Variants in BRIP1 observed in about 807,000 individuals in gnomAD.
The protein encoded by BRIP1 is Fanconi anemia group J protein.
A neutral mutation model predicts 119.7 loss-of-function variants in BRIP1; 88 were observed. That is an observed-to-expected ratio of 0.74 (90% CI 0.62 to 0.88). The LOEUF is 0.88. Among genes scored for constraint, BRIP1 ranks in the 40% least tolerant of loss-of-function variants. BRIP1 has a pLI of 0.00. For synonymous variants in BRIP1, 443 were observed against 496.5 expected (o/e 0.89, Z 1.43); for missense variants, 1,259 against 1,455.4 (o/e 0.87, Z 2.20).
Position 61,780,852 on chromosome 17 carries a change from TAAGC to T in BRIP1, c.1778_1781del (p.Cys593Ter). The T allele has an allele frequency of 6.2e-7, 1 of 1,614,204 alleles. No homozygotes were observed. Among genetic ancestry groups the T allele is most frequent in the Non-Finnish European group, 8.5e-7 (1 of 1,180,028 alleles). On this transcript the variant is annotated frameshift_variant, in exon 12 of 20. Transcript: ENST00000259008. LOFTEE classifies it high-confidence loss of function. This position sits in a 1 kb window ranked among gnomAD's most constrained non-coding sequence, Gnocchi z 5.4. ...ATGATGAGCTTACCACAGCTGGATTTAAGCACCAAAAGTTTAGCACATGAACTGC... is the reference window on the plus strand; with the variant it reads ...ATGATGAGCTTACCACAGCTGGATTTACCAAAAGTTTAGCACATGAACTGC...
In BRIP1 at chr17:61,704,736, T is replaced by C. The variant is rs2378882; in HGVS notation, c.2492+11215A>G. Among the ~76,000 whole-genome samples, 2 of 152,146 alleles carry C rather than the reference T, an allele frequency of 1.3e-5. No homozygotes were observed. The highest frequency in any genetic ancestry group is 6.5e-5 in the Admixed American group (1 of 15,280). ...GAATTAATCTACTTCATCTAAGTTA[T>C]CAAATGTATATGTATAGAGTTTTTC... On this transcript the variant is annotated intron_variant, in intron 17 of 19. Coordinates refer to ENST00000259008, the MANE Select transcript of BRIP1 (RefSeq NM_032043.3). The surrounding 1 kb of genome is among the most constrained non-coding windows in gnomAD (Gnocchi z 5.7).
chr17:61,844,077 C>T lies in BRIP1; in HGVS notation c.627+3024G>A, dbSNP rs1195474209. 6.6e-6 allele frequency among the ~76,000 whole-genome samples: 1 copy of T among 151,934 alleles called. No homozygotes were observed. ...TAGCTAGGACTACAAGTACACACCA[C>T]CACACACAGCTATTTTTTTTCTTCT... On this transcript the variant is annotated intron_variant, in intron 6 of 19. Transcript: ENST00000259008. The surrounding 1 kb of genome is among the most constrained non-coding windows in gnomAD (Gnocchi z 4.7).
At position 61,752,710 on chromosome 17, in the gene BRIP1, AAAATCTGTGATAGGTGTTAACTTTAT is replaced by A. The variant is rs2077147603; in HGVS notation, c.2098-8145_2098-8120del. Among the ~76,000 whole-genome samples the A allele has an allele frequency of 6.6e-6, 1 of 152,234 alleles. No individual in the cohort carries two copies. Reference sequence around the variant, plus strand: ...TTCTTCATTAATCAGTGAGTTTAATAAAATCTGTGATAGGTGTTAACTTTATATGTGAGCTATGACTTTATCTTTTT... The same window carrying A: ...TTCTTCATTAATCAGTGAGTTTAATAATGTGAGCTATGACTTTATCTTTTT... On this transcript the variant is annotated intron_variant, in intron 14 of 19. Transcript: ENST00000259008. The surrounding 1 kb of genome is among the most constrained non-coding windows in gnomAD (Gnocchi z 6.2).
intron 6 of BRIP1, among the ~76,000 whole-genome samples, chr17:61,817,169 T>C (rs2145495320): frequency 6.6e-6 from 1 of 152,260 alleles, no homozygotes; most frequent in African/African-American, 2.4e-5. Flanking sequence ...TAAAACTACA[T>C]GATTATTAAA....
In BRIP1 at chr17:61,687,669, T is replaced by C. The variant is rs2061381510; in HGVS notation, c.2576-1504A>G. Among the ~76,000 whole-genome samples the C allele has an allele frequency of 6.6e-6, 1 of 152,054 alleles. No homozygotes were observed. Among genetic ancestry groups the C allele is most frequent in the Non-Finnish European group, 1.5e-5 (1 of 68,012 alleles). On this transcript the variant is annotated intron_variant, in intron 18 of 19. Transcript: ENST00000259008. The surrounding 1 kb of genome is among the most constrained non-coding windows in gnomAD (Gnocchi z 5.1). ...TAAAGATACACATGTATCCCATAGC[T>C]CTTTAGTAATCACTCCTGGTATTGA...
intron 6 of BRIP1, among the ~76,000 whole-genome samples, chr17:61,819,523 A>G (rs2078289602): frequency 6.6e-6 from 1 of 152,232 alleles, no homozygotes; most frequent in Non-Finnish European, 1.5e-5. Context: ...TGTGGCACAT[A>G]CACAATGAAG....
chr17:61,813,655 C>T (rs1242512264), intron 6 of BRIP1, among the ~76,000 whole-genome samples: 1 of 152,034 alleles, frequency 6.6e-6, no homozygotes, highest in Non-Finnish European at 1.5e-5. Flanking sequence ...TCGTGACAAA[C>T]ATATATCCCA....
At position 61,840,253 on chromosome 17, in the gene BRIP1, GA is replaced by G. The variant is rs1327751436; in HGVS notation, c.627+6847del. Among the ~76,000 whole-genome samples the G allele has an allele frequency of 3.3e-5, 5 of 150,376 alleles. No individual in the cohort carries two copies. In the East Asian group the frequency reaches 9.8e-4, roughly 29 times the overall value. On this transcript the variant is annotated intron_variant, in intron 6 of 19. Coordinates refer to ENST00000259008, the MANE Select transcript of BRIP1 (RefSeq NM_032043.3). ...AGGTGCTACTTGAGAAGCTACTCAA[GA>G]GGCTGATTTAGGAGAATCACTTGAA...
chr17:61,831,494 CT>C lies in BRIP1; in HGVS notation c.627+15606del, dbSNP rs2078492160. ...TAAGTGGAATCATACAATATCTGTC[CT>C]TTTATGACTGGCTTATTTTACTTCA... On this transcript the variant is annotated intron_variant, in intron 6 of 19. Coordinates refer to ENST00000259008, the MANE Select transcript of BRIP1 (RefSeq NM_032043.3). This position sits in a 1 kb window ranked among gnomAD's most constrained non-coding sequence, Gnocchi z 4.1. Among the ~76,000 whole-genome samples the C allele has an allele frequency of 1.3e-5, 2 of 152,118 alleles. No homozygotes were observed. Among genetic ancestry groups the C allele is most frequent in the Admixed American group, 6.5e-5 (1 of 15,270 alleles).
chr17:61,845,857 TC>T lies in BRIP1; in HGVS notation c.627+1243del, dbSNP rs2078720258. Among the ~76,000 whole-genome samples, 1 of 152,190 alleles carries T rather than the reference TC, an allele frequency of 6.6e-6. No homozygotes were observed. ...AAAATTAGTAATTTTTACTGCTTCA[TC>T]AAAGACATTCTTAAATGAAACTGGT... On this transcript the variant is annotated intron_variant, in intron 6 of 19. Coordinates refer to ENST00000259008, the MANE Select transcript of BRIP1 (RefSeq NM_032043.3). The surrounding 1 kb of genome is among the most constrained non-coding windows in gnomAD (Gnocchi z 4.2).
In BRIP1 at chr17:61,827,302, G is replaced by C. The variant is rs2078424428; in HGVS notation, c.628-18545C>G. 6.6e-6 allele frequency among the ~76,000 whole-genome samples: 1 copy of C among 152,064 alleles called. No individual in the cohort carries two copies. Among genetic ancestry groups the C allele is most frequent in the South Asian group, 2.1e-4 (1 of 4,826 alleles). On this transcript the variant is annotated intron_variant, in intron 6 of 19. Coordinates refer to ENST00000259008, the MANE Select transcript of BRIP1 (RefSeq NM_032043.3). This position sits in a 1 kb window ranked among gnomAD's most constrained non-coding sequence, Gnocchi z 5.8. Reference sequence around the variant, plus strand: ...GAGGGTGGGAGCAGGGAGAGGATCAGAAAAATAACTAATGGGTACTAGGCT... The same window carrying C: ...GAGGGTGGGAGCAGGGAGAGGATCACAAAAATAACTAATGGGTACTAGGCT...
chr17:61,859,378 C>T (rs998843274), intron 3 of BRIP1, among the ~76,000 whole-genome samples: 5 of 152,058 alleles, frequency 3.3e-5, no homozygotes, highest in African/African-American at 1.2e-4. Context: ...TTTTCTTTCA[C>T]CCAGGCTGGA....
At chr17:61,788,024 A>G (rs1242710066) in intron 10 of BRIP1, among the ~76,000 whole-genome samples, 1 of 152,172 alleles carries the variant, frequency 6.6e-6, no homozygotes, top group African/African-American at 2.4e-5. Context: ...AACATGAAGA[A>G]ATAGAAAGAA....
rs58426748 is a variant in BRIP1 at position 61,824,093 on chromosome 17, G to A, written c.628-15336C>T. On this transcript the variant is annotated intron_variant, in intron 6 of 19. Transcript: ENST00000259008. This position sits in a 1 kb window ranked among gnomAD's most constrained non-coding sequence, Gnocchi z 4.3. ...GCCTCCCAAAGTGCTGGGATTACAGGCATGAGCCACCATGCCCGGCCTAAG... is the reference window on the plus strand; with the variant it reads ...GCCTCCCAAAGTGCTGGGATTACAGACATGAGCCACCATGCCCGGCCTAAG... 0.19 allele frequency among the ~76,000 whole-genome samples: 28,925 copies of A among 152,182 alleles called. 3,197 individuals carry two copies. The highest frequency in any genetic ancestry group is 0.3 in the Admixed American group (4,632 of 15,272).
rs573925559 is a variant in BRIP1 at position 61,753,603 on chromosome 17, A to AT, written c.2098-9013dup. Among the ~76,000 whole-genome samples, 12,138 of 143,050 alleles carry AT rather than the reference A, an allele frequency of 0.085. 618 individuals are homozygous for AT. The highest frequency in any genetic ancestry group is 0.25 in the South Asian group (1,115 of 4,508). The allele number at this position is 143,050 out of a possible 152,430, so 93.8% of individuals were successfully genotyped here. On this transcript the variant is annotated intron_variant, in intron 14 of 19. Transcript: ENST00000259008. This position sits in a 1 kb window ranked among gnomAD's most constrained non-coding sequence, Gnocchi z 4.6. ...AGCAAGAAAATCTTATTTCCTCTCC[A>AT]TTTTTTTTTTTTTTTAGAGATGGGA...
Position 61,815,498 on chromosome 17 carries a change from G to A in BRIP1, c.628-6741C>T, listed in dbSNP as rs894524249. 6.6e-6 allele frequency among the ~76,000 whole-genome samples: 1 copy of A among 152,120 alleles called. No homozygotes were observed. The highest frequency in any genetic ancestry group is 1.5e-5 in the Non-Finnish European group (1 of 67,998). On this transcript the variant is annotated intron_variant, in intron 6 of 19. Transcript: ENST00000259008. This position sits in a 1 kb window ranked among gnomAD's most constrained non-coding sequence, Gnocchi z 4.1. The stretch of plus-strand genomic sequence containing the variant: ...GTAAAGGAATAAACAACAGCCAAGA[G>A]AATTTCATAAAGTTTCCTCCACTGC...
At position 61,859,310 on chromosome 17, in the gene BRIP1, A is replaced by C. The variant is rs150734358; in HGVS notation, c.205+486T>G. ...CCCATCTCTTGCATCTTTTACATAC[A>C]AATTATCATCTAATTATTTTTATAA... On this transcript the variant is annotated intron_variant, in intron 3 of 19. Transcript: ENST00000259008. Among the ~76,000 whole-genome samples the C allele has an allele frequency of 2.2e-3, 340 of 152,270 alleles. 1 individual carries two copies. The highest frequency in any genetic ancestry group is 7.6e-3 in the African/African-American group (316 of 41,552).
intron 6 of BRIP1, among the ~76,000 whole-genome samples, chr17:61,818,151 G>A (rs968674811): frequency 3.5e-5 from 5 of 141,098 alleles, no homozygotes; most frequent in African/African-American, 8.0e-5. Flanking sequence ...TTGGGAGTTC[G>A]AGACCAGCCT....
In BRIP1 at chr17:61,795,384, C is replaced by A. The variant is rs1288083789; in HGVS notation, c.1341-1655G>T. ...TTGTACTCATTAACCAACCCCTCCT[C>A]CCCTGTGATCCCCATCTACTACCCT... On this transcript the variant is annotated intron_variant, in intron 9 of 19. Transcript: ENST00000259008. This position sits in a 1 kb window ranked among gnomAD's most constrained non-coding sequence, Gnocchi z 5.6. Among the ~76,000 whole-genome samples the A allele has an allele frequency of 2.6e-5, 4 of 152,004 alleles. No individual in the cohort carries two copies. Among genetic ancestry groups the A allele is most frequent in the Non-Finnish European group, 4.4e-5 (3 of 67,944 alleles).
Sources: allele counts gnomAD v4.1 joint callset (sites outside exome capture counted in the v4.1 genomes callset), GRCh38; gene constraint gnomAD v4.1.1; non-coding constraint Gnocchi (gnomAD v3.1); transcripts MANE v1.5; gene names NCBI Gene and HGNC (gene_info 2026-07-23, HGNC 2026-07-21).